The following ZNF232 variants were observed in gnomAD, a reference collection of about 807,000 sequenced individuals.
The protein encoded by ZNF232 is zinc finger and SCAN domain-containing protein 11.
Under a neutral mutation model 25.2 loss-of-function variants are expected in ZNF232, and 25 were observed. That is an observed-to-expected ratio of 0.99 (90% CI 0.72 to 1.39). The LOEUF (loss-of-function observed/expected upper bound fraction) is 1.39, where lower values mean the gene tolerates loss of function less well. Among genes scored for constraint, ZNF232 ranks in the 40% most tolerant of loss-of-function variants. The pLI is 0.00. For synonymous variants in ZNF232, 193 were observed against 182.9 expected, an observed-to-expected ratio of 1.06 and a Z score of -0.45; for missense variants, 519 against 520.9, an observed-to-expected ratio of 1.00 and a Z score of 0.04.
chr17:5,112,677 C>T (rs9896474), upstream of ZNF232, among the ~76,000 whole-genome samples: 56,200 of 151,060 alleles, frequency 0.37, 12,583 homozygotes, highest in Non-Finnish European at 0.51. Context: ...TGGTCTCGAT[C>T]TCCTGACCTC....
chr17:5,120,742 T>C (rs2072635197), intron 1 of ZNF232: 1 of 438,544 alleles, frequency 2.3e-6, no homozygotes. Context: ...GACAAGAAAT[T>C]GGTGGAGAAG....
At chr17:5,119,342 T>C (rs745695206) in intron 1 of ZNF232, among the ~76,000 whole-genome samples, 8 of 152,218 alleles carry the variant, frequency 5.3e-5, no homozygotes, top group Non-Finnish European at 1.2e-4. Context: ...AATTGGACAT[T>C]ACTACATTAG....
upstream of ZNF232, among the ~76,000 whole-genome samples, chr17:5,113,146 A>G (rs904615920): frequency 6.6e-6 from 1 of 152,186 alleles, no homozygotes; most frequent in Non-Finnish European, 1.5e-5. Context: ...TTTCTCCAAG[A>G]TATAGTATCC....
At chr17:5,113,149 T>A (rs183021431), upstream of ZNF232, among the ~76,000 whole-genome samples, 43 of 152,352 alleles carry the variant, frequency 2.8e-4, no homozygotes, top group Non-Finnish European at 5.6e-4. Flanking sequence ...CTCCAAGATA[T>A]AGTATCCTTG....
upstream of ZNF232, among the ~76,000 whole-genome samples, chr17:5,115,555 A>ACACACACACACAC (rs2072512102): frequency 2.7e-5 from 4 of 148,780 alleles, no homozygotes; most frequent in Admixed American, 6.7e-5. Context: ...CGTCTCCAAA[A>ACACACACACACAC]ACACACACAC....
chr17:5,107,683 C>T (rs537146685), intron 3 of ZNF232, among the ~76,000 whole-genome samples: 31 of 151,628 alleles, frequency 2.0e-4, no homozygotes, highest in Admixed American at 3.9e-4. Flanking sequence ...GGATTACAGG[C>T]GCGTATCACA....
exon 2 of ZNF232, chr17:5,109,807 C>T (rs2143603955): frequency 6.2e-7 from 1 of 1,614,148 alleles, no homozygotes; most frequent in African/African-American, 1.3e-5. Context: ...AGTGATACAG[C>T]CATCCTAGTC....
chr17:5,106,081 C>G (rs765756497), exon 4 of ZNF232: 6 of 1,614,156 alleles, frequency 3.7e-6, no homozygotes, highest in Non-Finnish European at 5.1e-6. Flanking sequence ...TCATTACATT[C>G]GAAGGGTTTC....
intron 1 of ZNF232, among the ~76,000 whole-genome samples, chr17:5,110,795 G>A (rs1012318431): frequency 6.6e-6 from 1 of 152,198 alleles, no homozygotes; most frequent in African/African-American, 2.4e-5. Flanking sequence ...CTAAGGTTGA[G>A]GATGCACCCA....
At chr17:5,122,904 A>C (rs1471430239) in intron 1 of ZNF232, 1 of 152,392 alleles carries the variant, frequency 6.6e-6, no homozygotes, top group African/African-American at 2.4e-5. Context: ...GGAGGGACCG[A>C]GAGCACCCCG....
At chr17:5,115,367 C>T (rs2072505558), upstream of ZNF232, among the ~76,000 whole-genome samples, 1 of 152,028 alleles carries the variant, frequency 6.6e-6, no homozygotes, top group South Asian at 2.1e-4. Context: ...GCCTGGCCAA[C>T]ATGGTGAAAC....
exon 4 of ZNF232, chr17:5,105,785 C>G (rs750239991): frequency 9.3e-6 from 14 of 1,500,342 alleles, no homozygotes; most frequent in Non-Finnish European, 1.2e-5. Context: ...TAGATTAGAC[C>G]GATGTAGAAT....
At chr17:5,111,433 G>T (rs980740307) in intron 1 of ZNF232, 1 of 349,550 alleles carries the variant, frequency 2.9e-6, no homozygotes, top group Non-Finnish European at 5.2e-6. Flanking sequence ...CGCGGAGCTC[G>T]CGTCTCCCAG....
At chr17:5,109,651 G>T (rs199538285) in exon 2 of ZNF232, 2 of 1,614,100 alleles carry the variant, frequency 1.2e-6, no homozygotes, top group Non-Finnish European at 1.7e-6. Flanking sequence ...TGCCTGAAGC[G>T]TTGGCGGAAG....
exon 4 of ZNF232, chr17:5,105,861 T>C (rs373931092): frequency 1.3e-5 from 21 of 1,608,806 alleles, no homozygotes; most frequent in South Asian, 2.2e-5. Flanking sequence ...AACTCTCCGA[T>C]GTCTAATGAG....
At chr17:5,113,661 T>C (rs1383507451), upstream of ZNF232, 1 of 152,270 alleles carries the variant, frequency 6.6e-6, no homozygotes, top group Non-Finnish European at 1.5e-5. Flanking sequence ...ACATTTATAC[T>C]AATGTGAAAA....
At chr17:5,118,725 C>T (rs2072585823) in intron 1 of ZNF232, among the ~76,000 whole-genome samples, 1 of 152,122 alleles carries the variant, frequency 6.6e-6, no homozygotes. Context: ...GAGAATTTTA[C>T]AGAGTGATCA....
At chr17:5,107,543 C>CT (rs563790270) in intron 3 of ZNF232, among the ~76,000 whole-genome samples, 51,235 of 143,058 alleles carry the variant, frequency 0.36, 10,087 homozygotes, top group African/African-American at 0.51. Flanking sequence ...GGTCATTTGA[C>CT]TTTTTTTTTT....
chr17:5,111,151 C>T (rs1174777016), intron 1 of ZNF232: 1 of 152,318 alleles, frequency 6.6e-6, no homozygotes, highest in Non-Finnish European at 1.5e-5. Context: ...CGGTGAAGCT[C>T]GGCTGTTCGT....
Sources: allele counts gnomAD v4.1 joint callset (sites outside exome capture counted in the v4.1 genomes callset), GRCh38; gene constraint gnomAD v4.1.1; transcripts MANE v1.5; gene names NCBI Gene and HGNC (gene_info 2026-07-23, HGNC 2026-07-21).